Variants in PKN2 observed in about 807,000 individuals in gnomAD.
PKN2 encodes serine/threonine-protein kinase N2.
Under a neutral mutation model 119.1 loss-of-function variants are expected in PKN2, and 38 were observed. The ratio of observed to expected loss-of-function variants is 0.32; its 90% confidence interval spans 0.25 to 0.42. PKN2 has a LOEUF of 0.42. Among genes scored for constraint, PKN2 ranks in the 10% least tolerant of loss-of-function variants. PKN2 has a pLI of 1.00. For missense variants in PKN2, 850 were observed against 1,165.1 expected (o/e 0.73, Z 3.94); for synonymous variants, 390 against 384.9 (o/e 1.01, Z -0.15).
chr1:88,811,236 T>G (rs1474311878), intron 15 of PKN2, among the ~76,000 whole-genome samples: 4 of 152,144 alleles, frequency 2.6e-5, no homozygotes, highest in Non-Finnish European at 5.9e-5. Flanking sequence ...CACAACAGAA[T>G]AGGGTTGGAA....
At chr1:88,766,309 GA>G (rs977660828) in intron 3 of PKN2, among the ~76,000 whole-genome samples, 1 of 152,008 alleles carries the variant, frequency 6.6e-6, no homozygotes, top group African/African-American at 2.4e-5. Flanking sequence ...AATACATGAT[GA>G]AAAAAATAAG....
intron 6 of PKN2, among the ~76,000 whole-genome samples, chr1:88,773,837 C>T (rs1669985453): frequency 2.6e-5 from 4 of 151,958 alleles, no homozygotes; most frequent in Admixed American, 1.3e-4. Flanking sequence ...ATGTAATAAT[C>T]CTGGTGGTAA....
Position 88,832,652 on chromosome 1 carries a change from T to C in PKN2, c.2563-92T>C, listed in dbSNP as rs541211916. The C allele has an allele frequency of 1.5e-5, 10 of 662,656 alleles. 1 individual carries two copies. Among genetic ancestry groups the C allele is most frequent in the African/African-American group, 1.3e-4 (7 of 54,658 alleles). The allele number at this position is 662,656 out of a possible 1,614,324, so 41.0% of individuals were successfully genotyped here. On this transcript the variant is annotated intron_variant, in intron 19 of 21. Transcript: ENST00000370521. ...TGTTGTTTTGTCTGTTTTTTCTTTT[T>C]CACTGCCTGGATCTTGGTTGTACTT...
chr1:88,822,073 T>C, intron 17 of PKN2, 70 bp downstream of exon 17: 1 of 1,312,202 alleles, frequency 7.6e-7, no homozygotes, highest in Non-Finnish European at 1.0e-6. Context: ...AGTATTTTGT[T>C]TTTCTTAAAC....
intron 6 of PKN2, among the ~76,000 whole-genome samples, chr1:88,774,154 A>G (rs1201178028): frequency 6.6e-6 from 1 of 152,200 alleles, no homozygotes; most frequent in Non-Finnish European, 1.5e-5. Flanking sequence ...GAGGATCTCA[A>G]ACACAAACCT....
chr1:88,771,903 T>C (rs1250380595), intron 6 of PKN2, 24 bp downstream of exon 6: 1 of 1,507,394 alleles, frequency 6.6e-7, no homozygotes, highest in Non-Finnish European at 9.2e-7. Context: ...AGCCATTGTT[T>C]TTTGTGTGTA....
intron 16 of PKN2, among the ~76,000 whole-genome samples, chr1:88,820,228 ATAT>A (rs1672210930): frequency 9.2e-6 from 1 of 108,228 alleles, no homozygotes; most frequent in Non-Finnish European, 1.8e-5. Flanking sequence ...ATATATATAT[ATAT>A]ATAAATAGAA....
At chr1:88,817,238 G>A (rs553721748) in intron 16 of PKN2, among the ~76,000 whole-genome samples, 2 of 152,230 alleles carry the variant, frequency 1.3e-5, no homozygotes, top group African/African-American at 4.8e-5. Context: ...TGCAAGGCTG[G>A]TTCAACACAC....
chr1:88,709,174 C>T (rs915534894), intron 1 of PKN2, among the ~76,000 whole-genome samples: 1 of 152,004 alleles, frequency 6.6e-6, no homozygotes, highest in Non-Finnish European at 1.5e-5. Flanking sequence ...CTGCCTCAGC[C>T]TCCCGAGTAG....
intron 1 of PKN2, among the ~76,000 whole-genome samples, chr1:88,715,020 A>G (rs1570518650): frequency 6.6e-6 from 1 of 152,110 alleles, no homozygotes; most frequent in African/African-American, 2.4e-5. Context: ...TTCTGCATCT[A>G]TTGAGATAAT....
chr1:88,726,423 G>A (rs922016766), intron 1 of PKN2, among the ~76,000 whole-genome samples: 1 of 152,106 alleles, frequency 6.6e-6, no homozygotes, highest in African/African-American at 2.4e-5. Flanking sequence ...ATAAGTTGGC[G>A]TGATCATGTG....
At chr1:88,814,709 T>C (rs1204540707) in intron 16 of PKN2, among the ~76,000 whole-genome samples, 2 of 152,192 alleles carry the variant, frequency 1.3e-5, no homozygotes, top group Admixed American at 1.3e-4. Flanking sequence ...AAAGTCATTC[T>C]TGATGCTCTT....
intron 1 of PKN2, among the ~76,000 whole-genome samples, chr1:88,700,973 A>G (rs1666746602): frequency 6.6e-6 from 1 of 152,180 alleles, no homozygotes; most frequent in African/African-American, 2.4e-5. Flanking sequence ...CTTGGTAGGT[A>G]CATAATTTTA....
intron 15 of PKN2, among the ~76,000 whole-genome samples, chr1:88,811,041 A>G (rs2100889794): frequency 6.6e-6 from 1 of 152,350 alleles, no homozygotes; most frequent in Non-Finnish European, 1.5e-5. Flanking sequence ...TTAAGTGAAC[A>G]CAAATTATGG....
intron 1 of PKN2, among the ~76,000 whole-genome samples, chr1:88,687,125 C>T (rs1010473328): frequency 9.9e-5 from 15 of 152,064 alleles, no homozygotes; most frequent in African/African-American, 3.6e-4. Flanking sequence ...TACTCCACTG[C>T]TTGAGCTGGA....
intron 1 of PKN2, among the ~76,000 whole-genome samples, chr1:88,719,573 A>G (rs1667587044): frequency 6.6e-6 from 1 of 152,134 alleles, no homozygotes; most frequent in Non-Finnish European, 1.5e-5. Flanking sequence ...CTTACTATAT[A>G]TTTCTTTATT....
In PKN2 at chr1:88,813,679, G is replaced by T. The variant is rs1285643093; in HGVS notation, c.2225G>T (p.Gly742Val). The T allele has an allele frequency of 1.2e-6, 2 of 1,607,936 alleles. No homozygotes were observed. The highest frequency in any genetic ancestry group is 1.7e-6 in the Non-Finnish European group (2 of 1,177,890). Residue 742 changes from glycine (G) to valine (V), a missense_variant, in exon 16 of 22, where the codon GGT (glycine) becomes GTT (valine). Gly to Val is a moderately radical substitution (Grantham distance 109). Transcript: ENST00000370521. The stretch of plus-strand genomic sequence containing the variant: ...TGCTTTGTAATGGAATATGCTGCCG[G>T]TGGGGACCTAATGATGCACATTCAT... ...HVCFVMEYAA[G>V]GDLMMHIHTD...
At chr1:88,708,519 T>C (rs1667093010) in intron 1 of PKN2, among the ~76,000 whole-genome samples, 1 of 152,158 alleles carries the variant, frequency 6.6e-6, no homozygotes, top group Non-Finnish European at 1.5e-5. Context: ...TAAAATGTAG[T>C]TTAGTTTTAT....
chr1:88,761,292 G>T (rs17130599), intron 3 of PKN2, among the ~76,000 whole-genome samples: 16,967 of 151,914 alleles, frequency 0.11, 1,973 homozygotes, highest in African/African-American at 0.3. Flanking sequence ...ATGTACCTTT[G>T]TACTTTCAAC....
Sources: gnomAD v4.1 joint callset for allele counts (sites outside exome capture counted in the v4.1 genomes callset) on GRCh38, gnomAD v4.1.1 for gene constraint, MANE v1.5 for transcripts, NCBI Gene and HGNC (gene_info 2026-07-23, HGNC 2026-07-21) for gene names.